UQCR11: variants seen among roughly 807,000 people sequenced by gnomAD.
The protein encoded by UQCR11 is ubiquinol-cytochrome c reductase, complex III subunit XI.
A neutral mutation model predicts 7.6 loss-of-function variants in UQCR11; 10 were observed. The observed-to-expected ratio is 1.31, with a 90% CI of 0.81 to 2.22. UQCR11 has a LOEUF of 2.22. Ranked by LOEUF, UQCR11 falls within the 30% of genes most tolerant of loss-of-function variation. UQCR11 has a pLI of 0.00. For missense variants in UQCR11, 86 were observed against 75.1 expected (o/e 1.15, Z -0.54); for synonymous variants, 34 against 34.9 (o/e 0.97, Z 0.09).
intron 1 of UQCR11, among the ~76,000 whole-genome samples, chr19:1,603,465 C>T (rs758107299): frequency 8.5e-5 from 13 of 152,152 alleles, no homozygotes; most frequent in Non-Finnish European, 1.5e-4. Context: ...ATTAGCCGGG[C>T]GTGGTGGCGG....
chr19:1,599,740 C>T (rs1317789429), intron 1 of UQCR11, among the ~76,000 whole-genome samples, 180 bp from the exon 2 acceptor site: 1 of 152,266 alleles, frequency 6.6e-6, no homozygotes, highest in Non-Finnish European at 1.5e-5. Flanking sequence ...GCCCATGCTG[C>T]CGGCTCTCAG....
In UQCR11 at chr19:1,605,441, GT is replaced by G; in HGVS notation, c.-33del. ...GGAGTCGCACCCTCAGGATGACCCT[GT>G]CCAGCTGACCCGGCTACACTGCGCA... On this transcript the variant is annotated 5_prime_UTR_variant, in exon 1 of 3. Coordinates refer to ENST00000591899, the MANE Select transcript of UQCR11 (RefSeq NM_006830.4). 7.0e-7 allele frequency: 1 copy of G among 1,431,014 alleles called. No individual in the cohort carries two copies. The highest frequency in any genetic ancestry group is 9.2e-7 in the Non-Finnish European group (1 of 1,083,458). The allele number at this position is 1,431,014 out of a possible 1,614,324, so 88.6% of individuals were successfully genotyped here.
At chr19:1,605,177 C>A (rs1333448848) in intron 1 of UQCR11, among the ~76,000 whole-genome samples, 183 bp downstream of exon 1, 1 of 152,210 alleles carries the variant, frequency 6.6e-6, no homozygotes, top group Non-Finnish European at 1.5e-5. Flanking sequence ...CGTCACGTCC[C>A]GTTCACGCCG....
At position 1,605,400 on chromosome 19, in the gene UQCR11, G is replaced by A. The variant is rs1256203794; in HGVS notation, c.10C>T (p.Arg4Trp). The change falls in exon 1 of 3, where the codon CGG becomes TGG. Residue 4 changes from arginine (R) to tryptophan (W), a missense_variant. Transcript: ENST00000591899. ...TCCCGGTAGCGTGGGCCCAGGAACC[G>A]GGTCACCATCGCGGCGGAGTCGCAC... MVT[R>W]FLGPRYRELV... The A allele has an allele frequency of 1.3e-6, 2 of 1,575,542 alleles. No individual in the cohort carries two copies. Among genetic ancestry groups the A allele is most frequent in the Admixed American group, 3.6e-5 (2 of 54,846 alleles).
chr19:1,601,742 C>T (rs528798773), intron 1 of UQCR11, among the ~76,000 whole-genome samples: 1 of 152,318 alleles, frequency 6.6e-6, no homozygotes, highest in East Asian at 1.9e-4. Flanking sequence ...AGTGCACCCA[C>T]TGAAACTGTG....
At chr19:1,603,069 C>T (rs1170589502) in intron 1 of UQCR11, among the ~76,000 whole-genome samples, 2 of 152,224 alleles carry the variant, frequency 1.3e-5, no homozygotes, top group Non-Finnish European at 2.9e-5. Context: ...TGAGACACAA[C>T]CCCACAGTGC....
At chr19:1,605,297 C>CT in intron 1 of UQCR11, 63 bp downstream of exon 1, 10 of 1,500,848 alleles carry the variant, frequency 6.7e-6, no homozygotes, top group Non-Finnish European at 8.9e-6. Context: ...AAATACGGAA[C>CT]GCAGCGGCGC....
In UQCR11 at chr19:1,605,453, C is replaced by T; in HGVS notation, c.-44G>A. ...TCAGGATGACCCTGTCCAGCTGACC[C>T]GGCTACACTGCGCAGGCGCGGCCGC... On this transcript the variant is annotated 5_prime_UTR_variant, in exon 1 of 3. Coordinates refer to ENST00000591899, the MANE Select transcript of UQCR11 (RefSeq NM_006830.4). 6.9e-7 allele frequency: 1 copy of T among 1,443,292 alleles called. No homozygotes were observed. 89.4% of individuals were successfully genotyped at this position (1,443,292 alleles called of 1,614,324 possible). A position where few individuals can be genotyped will look rare whatever the true frequency, so the allele number is the denominator to read the frequency against.
At chr19:1,604,904 G>A (rs1468655908) in intron 1 of UQCR11, among the ~76,000 whole-genome samples, 1 of 152,268 alleles carries the variant, frequency 6.6e-6, no homozygotes, top group African/African-American at 2.4e-5. Flanking sequence ...GGCTTCTATG[G>A]GGGCCACCCC....
chr19:1,605,344 G>C lies in UQCR11; in HGVS notation c.50+16C>G. On this transcript the variant is annotated intron_variant, in intron 1 of 2. Transcript: ENST00000591899. ...GAGGCGGGAGCGCGGATGGGGCCGC[G>C]GGTCGGCGTCCTCACCAGTTCTTGA... 1.3e-6 allele frequency: 2 copies of C among 1,566,154 alleles called. No individual in the cohort carries two copies. The highest frequency in any genetic ancestry group is 1.7e-6 in the Non-Finnish European group (2 of 1,160,700).
intron 2 of UQCR11, 165 bp downstream of exon 2, chr19:1,599,247 G>T: frequency 1.1e-6 from 1 of 871,486 alleles, no homozygotes; most frequent in Non-Finnish European, 1.7e-6. Context: ...GTGCCCGTGG[G>T]CCGGAGATGC....
chr19:1,598,996 G>C (rs1025154419), intron 2 of UQCR11: 7 of 175,448 alleles, frequency 4.0e-5, no homozygotes, highest in African/African-American at 1.4e-4. Flanking sequence ...GCATGCTGGA[G>C]AAACACGTGG....
chr19:1,599,959 C>T (rs992646122), intron 1 of UQCR11, among the ~76,000 whole-genome samples: 1 of 152,244 alleles, frequency 6.6e-6, no homozygotes, highest in Non-Finnish European at 1.5e-5. Context: ...GGCGAGGACA[C>T]CAAACAACAG....
At chr19:1,602,455 T>A (rs2145621685) in intron 1 of UQCR11, 1 of 152,216 alleles carries the variant, frequency 6.6e-6, no homozygotes, top group Admixed American at 6.5e-5. Context: ...TATTTATTTA[T>A]TTATTATTTA....
At chr19:1,601,651 G>A (rs985259800) in intron 1 of UQCR11, among the ~76,000 whole-genome samples, 2 of 150,696 alleles carry the variant, frequency 1.3e-5, no homozygotes, top group African/African-American at 4.9e-5. Flanking sequence ...ACAACCCCGT[G>A]AGTGATCGTG....
At chr19:1,604,916 A>G (rs1317963944) in intron 1 of UQCR11, among the ~76,000 whole-genome samples, 2 of 152,254 alleles carry the variant, frequency 1.3e-5, no homozygotes, top group African/African-American at 4.8e-5. Context: ...GGCCACCCCT[A>G]TGCCGTCCCG....
At position 1,599,664 on chromosome 19, in the gene UQCR11, G is replaced by A. The variant is rs138161876; in HGVS notation, c.51-104C>T. 8.0e-4 allele frequency: 1,198 copies of A among 1,495,874 alleles called. 8 individuals are homozygous for A. In the African/African-American group the frequency reaches 0.014, roughly 18 times the overall value. 92.7% of individuals were successfully genotyped at this position (1,495,874 alleles called of 1,614,324 possible). A position where few individuals can be genotyped will look rare whatever the true frequency, so the allele number is the denominator to read the frequency against. ...TCCTGAGCGGTGATGGCTGAGGTGCGGGCCTGGCACCTGTGCCCGCCCAGT... is the reference window on the plus strand; with the variant it reads ...TCCTGAGCGGTGATGGCTGAGGTGCAGGCCTGGCACCTGTGCCCGCCCAGT... On this transcript the variant is annotated intron_variant, in intron 1 of 2. Coordinates refer to ENST00000591899, the MANE Select transcript of UQCR11 (RefSeq NM_006830.4).
chr19:1,598,728 C>T (rs750758497), intron 2 of UQCR11, among the ~76,000 whole-genome samples: 11 of 152,338 alleles, frequency 7.2e-5, no homozygotes, highest in Non-Finnish European at 8.8e-5. Flanking sequence ...AGAAACGTCC[C>T]TTCCATATGA....
At chr19:1,602,953 G>A (rs545228938) in intron 1 of UQCR11, among the ~76,000 whole-genome samples, 2 of 152,284 alleles carry the variant, frequency 1.3e-5, no homozygotes, top group Admixed American at 6.5e-5. Context: ...TCGTCGCCAC[G>A]ACAACCCCTT....
Sources: gnomAD v4.1 joint callset for allele counts (sites outside exome capture counted in the v4.1 genomes callset) on GRCh38, gnomAD v4.1.1 for gene constraint, MANE v1.5 for transcripts, NCBI Gene and HGNC (gene_info 2026-07-23, HGNC 2026-07-21) for gene names.